Variants in SEMA5A observed in about 807,000 individuals in gnomAD.
SEMA5A encodes semaphorin-5A.
SEMA5A carries 55 observed loss-of-function variants against 135.5 expected under a neutral mutation model. The observed-to-expected ratio is 0.41, with a 90% CI of 0.33 to 0.51. SEMA5A has a LOEUF of 0.51. SEMA5A is among the 20% of genes least tolerant of loss of function. The probability of loss-of-function intolerance (pLI) is 0.37; values close to 1 mark genes in which losing one functional copy is unlikely to be tolerated. For synonymous variants in SEMA5A, 580 were observed against 546.5 expected, an observed-to-expected ratio of 1.06 and a Z score of -0.85; for missense variants, 1,290 against 1,419.9, an observed-to-expected ratio of 0.91 and a Z score of 1.47.
chr5:9,442,479 C>G (rs1293923655), intron 1 of SEMA5A, among the ~76,000 whole-genome samples: 1 of 152,150 alleles, frequency 6.6e-6, no homozygotes, highest in East Asian at 1.9e-4. Flanking sequence ...AAGGGTACTA[C>G]TGTACCCTTT....
chr5:9,441,239 G>A (rs1401112199), intron 1 of SEMA5A, among the ~76,000 whole-genome samples: 2 of 152,212 alleles, frequency 1.3e-5, no homozygotes, highest in Non-Finnish European at 2.9e-5. Context: ...GGAAAGAGAA[G>A]TTACTTATGG....
chr5:9,335,919 C>T (rs976515575), intron 4 of SEMA5A, among the ~76,000 whole-genome samples: 2 of 152,128 alleles, frequency 1.3e-5, no homozygotes, highest in Non-Finnish European at 2.9e-5. Flanking sequence ...AGGCACTTCC[C>T]TTGCCTTCTG....
At chr5:9,486,974 T>C (rs891310082) in intron 1 of SEMA5A, among the ~76,000 whole-genome samples, 4 of 151,870 alleles carry the variant, frequency 2.6e-5, no homozygotes, top group Non-Finnish European at 5.9e-5. Context: ...GGGAGATTTC[T>C]AGATATGCAA....
intron 2 of SEMA5A, among the ~76,000 whole-genome samples, chr5:9,416,135 A>C (rs574669132): frequency 1.3e-5 from 2 of 152,314 alleles, no homozygotes; most frequent in African/African-American, 4.8e-5. Context: ...GTGGGTCATC[A>C]GATGAGGAAT....
chr5:9,171,970 C>T (rs1743947285), intron 11 of SEMA5A, among the ~76,000 whole-genome samples: 1 of 152,110 alleles, frequency 6.6e-6, no homozygotes, highest in African/African-American at 2.4e-5. Context: ...ATGTCAAAGG[C>T]CAGGTCACTC....
intron 16 of SEMA5A, among the ~76,000 whole-genome samples, chr5:9,098,431 G>A (rs1739445988): frequency 6.6e-6 from 1 of 152,164 alleles, no homozygotes; most frequent in African/African-American, 2.4e-5. Context: ...AAAAAGCCCA[G>A]TGAGTGTTCT....
chr5:9,308,078 A>C (rs1422609775), intron 5 of SEMA5A, among the ~76,000 whole-genome samples: 1 of 152,224 alleles, frequency 6.6e-6, no homozygotes, highest in Non-Finnish European at 1.5e-5. Context: ...TCAGTGGCAG[A>C]GACTAGTGTC....
chr5:9,198,033 A>G (rs530982576), intron 9 of SEMA5A, among the ~76,000 whole-genome samples: 3 of 152,264 alleles, frequency 2.0e-5, no homozygotes, highest in Admixed American at 1.3e-4. Flanking sequence ...CTGACTAAGT[A>G]TGGAAACAGC....
intron 1 of SEMA5A, among the ~76,000 whole-genome samples, chr5:9,474,459 T>C (rs1278309373): frequency 6.8e-6 from 1 of 147,340 alleles, no homozygotes; most frequent in Non-Finnish European, 1.5e-5. Context: ...GACGCAAGAG[T>C]AAATAGGCAC....
rs567575068 is a variant in SEMA5A at position 9,313,273 on chromosome 5, G to T, written c.270+5099C>A. ...GACAAGTGGTTAGTATGTAAGGAAT[G>T]AATATATCAGTCAGGAGTTGCCTGT... On this transcript the variant is annotated intron_variant, in intron 5 of 22. Transcript: ENST00000382496. 2.0e-5 allele frequency among the ~76,000 whole-genome samples: 3 copies of T among 152,284 alleles called. No homozygotes were observed. The East Asian group carries it at 5.8e-4, about 29-fold the overall frequency.
intron 3 of SEMA5A, among the ~76,000 whole-genome samples, chr5:9,371,074 TA>T (rs1314558502): frequency 1.3e-5 from 2 of 152,188 alleles, no homozygotes; most frequent in Non-Finnish European, 2.9e-5. Flanking sequence ...TTCCCAGTTT[TA>T]ACTCAATCAA....
At chr5:9,524,460 G>A (rs142198546) in intron 1 of SEMA5A, among the ~76,000 whole-genome samples, 10 of 152,270 alleles carry the variant, frequency 6.6e-5, no homozygotes, top group African/African-American at 1.9e-4. Context: ...CTGGAATGAT[G>A]CTTCTACAAG....
At chr5:9,171,400 T>C (rs911895978) in intron 11 of SEMA5A, among the ~76,000 whole-genome samples, 25 of 152,292 alleles carry the variant, frequency 1.6e-4, no homozygotes, top group Non-Finnish European at 7.3e-5. Flanking sequence ...CCAGTTGGCA[T>C]CTGAGGGGCA....
chr5:9,440,769 G>A (rs578240707), intron 1 of SEMA5A, among the ~76,000 whole-genome samples: 2 of 152,328 alleles, frequency 1.3e-5, no homozygotes, highest in East Asian at 1.9e-4. Context: ...CTCAGAATGA[G>A]GTAAGATGTA....
intron 13 of SEMA5A, among the ~76,000 whole-genome samples, chr5:9,129,322 T>G (rs2657032): frequency 0.041 from 6,189 of 152,354 alleles, 447 homozygotes; most frequent in African/African-American, 0.14. Context: ...GAGATTCAGT[T>G]TCTGGCCATG....
At chr5:9,468,715 C>T (rs1579590836) in intron 1 of SEMA5A, among the ~76,000 whole-genome samples, 1 of 152,190 alleles carries the variant, frequency 6.6e-6, no homozygotes, top group South Asian at 2.1e-4. Flanking sequence ...CATCCATTTA[C>T]TCGGCCAATC....
chr5:9,530,916 T>C (rs1480649006), intron 1 of SEMA5A, among the ~76,000 whole-genome samples: 2 of 152,162 alleles, frequency 1.3e-5, no homozygotes, highest in Non-Finnish European at 2.9e-5. Flanking sequence ...TCCTTAGAAG[T>C]GAGTTATAAG....
chr5:9,493,651 A>G (rs538690347), intron 1 of SEMA5A, among the ~76,000 whole-genome samples: 1 of 152,322 alleles, frequency 6.6e-6, no homozygotes, highest in South Asian at 2.1e-4. Flanking sequence ...TAATATGTGA[A>G]GTCAATAGTG....
intron 5 of SEMA5A, among the ~76,000 whole-genome samples, chr5:9,287,077 C>T (rs186059665): frequency 2.0e-5 from 3 of 152,300 alleles, no homozygotes; most frequent in African/African-American, 2.4e-5. Flanking sequence ...GGACCAGAAG[C>T]GAATGGGTCA....
Sources: gnomAD v4.1 joint callset for allele counts (sites outside exome capture counted in the v4.1 genomes callset) on GRCh38, gnomAD v4.1.1 for gene constraint, MANE v1.5 for transcripts, NCBI Gene and HGNC (gene_info 2026-07-23, HGNC 2026-07-21) for gene names.